Variants in LIMA1 observed in about 807,000 individuals in gnomAD.
The protein encoded by LIMA1 is LIM domain and actin-binding protein 1.
Under a neutral mutation model 62.6 loss-of-function variants are expected in LIMA1, and 52 were observed. The ratio of observed to expected loss-of-function variants is 0.83; its 90% CI spans 0.67 to 1.05. LIMA1 has a LOEUF of 1.05. Among genes scored for constraint, LIMA1 ranks in the 50% least tolerant of loss-of-function variants. LIMA1 has a pLI of 0.00. For missense variants in LIMA1, 780 were observed against 902.2 expected (o/e 0.86, Z 1.74); for synonymous variants, 302 against 317.8 (o/e 0.95, Z 0.53).
chr12:50,220,802 G>A (rs960812116), intron 4 of LIMA1, among the ~76,000 whole-genome samples: 3 of 152,184 alleles, frequency 2.0e-5, no homozygotes, highest in East Asian at 3.8e-4. Flanking sequence ...AACTTGAGAG[G>A]GAAGAGAGTT....
rs1177826539 is a variant in LIMA1, at chr12:50,185,068, G to A, written c.1141-3031C>T. 3.3e-5 allele frequency among the ~76,000 whole-genome samples: 5 copies of A among 152,300 alleles called. No homozygotes were observed. In the East Asian group the frequency reaches 7.7e-4, roughly 23 times the overall value. On this transcript the variant is annotated intron_variant, in intron 9 of 10. Transcript: ENST00000341247. ...GCTGGTTTCTAACTCCTAACCTTGT[G>A]ATCTGCCCACCTTGGCCTCCCAAAG...
intron 3 of LIMA1, 51 bp downstream of exon 3, chr12:50,231,614 C>T (rs1370392430): frequency 6.3e-7 from 1 of 1,578,116 alleles, no homozygotes; most frequent in Admixed American, 1.7e-5. Context: ...GGCTTGGCCA[C>T]ACAATTCTGC....
At chr12:50,179,300 C>T (rs954683488) in intron 10 of LIMA1, among the ~76,000 whole-genome samples, 3 of 152,094 alleles carry the variant, frequency 2.0e-5, no homozygotes, top group African/African-American at 4.8e-5. Flanking sequence ...TGCCACCATG[C>T]ACGGCAAATT....
At chr12:50,216,840 G>A (rs896350161) in intron 4 of LIMA1, among the ~76,000 whole-genome samples, 3 of 152,114 alleles carry the variant, frequency 2.0e-5, no homozygotes, top group Admixed American at 6.6e-5. Context: ...CCCATCCTGG[G>A]CAATAGAATG....
intron 9 of LIMA1, chr12:50,187,651 A>G (rs1940659663): frequency 6.6e-6 from 1 of 152,234 alleles, no homozygotes; most frequent in Non-Finnish European, 1.5e-5. Flanking sequence ...AAGCCAGCAT[A>G]AAACCTCCCA....
chr12:50,186,219 T>C (rs955013084), intron 9 of LIMA1: 7 of 152,204 alleles, frequency 4.6e-5, no homozygotes, highest in African/African-American at 1.7e-4. Flanking sequence ...ACACTGCCAA[T>C]ACGACAATGT....
intron 10 of LIMA1, among the ~76,000 whole-genome samples, chr12:50,180,895 G>C (rs1452889368): frequency 1.3e-5 from 2 of 151,864 alleles, no homozygotes; most frequent in South Asian, 4.2e-4. Flanking sequence ...GGTGGATCAC[G>C]AGGTCAGGAG....
chr12:50,247,604 A>AATTATTATTATT (rs111550387), intron 2 of LIMA1, among the ~76,000 whole-genome samples: 10,509 of 140,500 alleles, frequency 0.075, 477 homozygotes, highest in South Asian at 0.16. Flanking sequence ...TAAATGCTGG[A>AATTATTATTATT]ATTATTATTA....
intron 1 of LIMA1, among the ~76,000 whole-genome samples, chr12:50,260,998 C>T (rs1942060303): frequency 7.0e-6 from 1 of 142,984 alleles, no homozygotes; most frequent in African/African-American, 2.6e-5. Context: ...TATTTTACCC[C>T]TCTCCCTGCT....
intron 5 of LIMA1, 150 bp from the exon 6 acceptor site, chr12:50,204,850 G>T: frequency 1.5e-6 from 1 of 659,380 alleles, no homozygotes; most frequent in South Asian, 2.1e-5. Context: ...CTCCCAAAGC[G>T]CTGGAATTAT....
intron 1 of LIMA1, among the ~76,000 whole-genome samples, chr12:50,254,605 C>G (rs564901122): frequency 7.2e-5 from 11 of 152,224 alleles, no homozygotes; most frequent in Admixed American, 4.6e-4. Context: ...AACAAAGGTC[C>G]TTGAAAAGTT....
chr12:50,265,872 C>T (rs1449140683), intron 1 of LIMA1, among the ~76,000 whole-genome samples: 4 of 151,994 alleles, frequency 2.6e-5, no homozygotes, highest in African/African-American at 4.8e-5. Flanking sequence ...ATGGTGGAAT[C>T]CACAAACATC....
chr12:50,205,949 T>C, intron 5 of LIMA1, 35 bp downstream of exon 5: 1 of 1,531,736 alleles, frequency 6.5e-7, no homozygotes. Context: ...GAGTACTTCC[T>C]AAAGGACCTC....
chr12:50,223,107 T>G (rs1051620335), intron 3 of LIMA1, among the ~76,000 whole-genome samples: 1 of 152,222 alleles, frequency 6.6e-6, no homozygotes, highest in African/African-American at 2.4e-5. Context: ...TACATGCATA[T>G]GAGCAGTCAA....
At chr12:50,279,252 G>A (rs1299518787) in intron 1 of LIMA1, among the ~76,000 whole-genome samples, 2 of 150,906 alleles carry the variant, frequency 1.3e-5, no homozygotes, top group East Asian at 3.9e-4. Flanking sequence ...GTGATCACCC[G>A]CCTCAGCCTC....
intron 8 of LIMA1, among the ~76,000 whole-genome samples, chr12:50,193,404 TAGC>T (rs1940823611): frequency 6.7e-6 from 1 of 150,066 alleles, no homozygotes; most frequent in Admixed American, 6.7e-5. Flanking sequence ...TCCAGTAAAC[TAGC>T]CTGGGGAGAT....
Position 50,229,428 on chromosome 12 carries a change from A to G in LIMA1, c.165+2237T>C, listed in dbSNP as rs865899119. Among the ~76,000 whole-genome samples, 17 of 152,298 alleles carry G rather than the reference A, an allele frequency of 1.1e-4. 1 individual carries two copies. Among genetic ancestry groups the G allele is most frequent in the South Asian group, 1.0e-3 (5 of 4,828 alleles). On this transcript the variant is annotated intron_variant, in intron 3 of 10. Coordinates refer to ENST00000341247, the MANE Select transcript of LIMA1 (RefSeq NM_016357.5). Reference sequence around the variant, plus strand: ...GAAGCTGGAAACCATCATTCTCAGCAAACTATCGCAAGGACAAAAAACCAA... The same window carrying G: ...GAAGCTGGAAACCATCATTCTCAGCGAACTATCGCAAGGACAAAAAACCAA...
intron 1 of LIMA1, among the ~76,000 whole-genome samples, chr12:50,271,044 A>C (rs1164773082): frequency 2.0e-5 from 3 of 152,208 alleles, no homozygotes; most frequent in Non-Finnish European, 4.4e-5. Flanking sequence ...GTGAGCCGAG[A>C]TCGTGCCACT....
intron 1 of LIMA1, among the ~76,000 whole-genome samples, chr12:50,255,824 A>C (rs1424475945): frequency 6.6e-6 from 1 of 152,150 alleles, no homozygotes; most frequent in Non-Finnish European, 1.5e-5. Flanking sequence ...TACATTTCTA[A>C]ATTTATATTT....
Sources: allele counts gnomAD v4.1 joint callset (sites outside exome capture counted in the v4.1 genomes callset), GRCh38; gene constraint gnomAD v4.1.1; transcripts MANE v1.5; gene names NCBI Gene and HGNC (gene_info 2026-07-23, HGNC 2026-07-21).